Variants in SATL1 observed in about 807,000 individuals in gnomAD.
The protein encoded by SATL1 is spermidine/spermine N1-acetyl transferase like 1.
A neutral mutation model predicts 51.8 loss-of-function variants in SATL1; 47 were observed. That is an observed-to-expected ratio of 0.91 (90% confidence interval 0.72 to 1.16). SATL1 has a LOEUF of 1.16. Ranked by LOEUF, SATL1 falls within the 50% of genes most tolerant of loss-of-function variation. The pLI is 0.00. For synonymous variants in SATL1, 176 were observed against 182.4 expected (o/e 0.97, Z 0.28); for missense variants, 520 against 526.4 (o/e 0.99, Z 0.12).
At chrX:85,156,035 A>G (rs1926578032) in intron 2 of SATL1, among the ~76,000 whole-genome samples, 1 of 111,618 alleles carries the variant, frequency 9.0e-6, no homozygotes, top group South Asian at 3.7e-4. Context: ...GGTATAATTA[A>G]GTTGGTAGAT....
intron 2 of SATL1, chrX:85,209,567 A>G (rs1927865137): frequency 9.0e-6 from 1 of 111,313 alleles, no homozygotes; most frequent in Non-Finnish European, 1.9e-5. Context: ...AGTGGTTTGT[A>G]GTTCTCCTTG....
rs773017446 is a variant in SATL1 at position 85,150,475 on chromosome X, A to G, written c.-312-41195T>C. ...CCCTAACTCATTTTATGAGGCCAGC[A>G]TCATCCTGATACCAAAGCCGGGCAG... On this transcript the variant is annotated intron_variant, in intron 2 of 7. Transcript: ENST00000644105. 4.9e-3 allele frequency among the ~76,000 whole-genome samples: 526 copies of G among 107,130 alleles called. 4 individuals carry two copies. The highest frequency in any genetic ancestry group is 0.018 in the African/African-American group (493 of 28,166). 93.0% of individuals were successfully genotyped at this position (107,130 alleles called of 115,157 possible).
At position 85,173,162 on chromosome X, in the gene SATL1, G is replaced by A. The variant is rs990271695; in HGVS notation, c.-313+51043C>T. 2.7e-5 allele frequency among the ~76,000 whole-genome samples: 3 copies of A among 111,200 alleles called. No individual in the cohort carries two copies. The East Asian group carries it at 8.5e-4, about 31-fold the overall frequency. ...TTCATGTTTTGCAAGTCTTTGAGCA[G>A]GAGCCTCTTCTGTGAAAACTCAAAA... On this transcript the variant is annotated intron_variant, in intron 2 of 7. Coordinates refer to ENST00000644105, the MANE Select transcript of SATL1 (RefSeq NM_001367857.2).
Position 85,107,518 on chromosome X carries a change from G to C in SATL1, c.1451C>G (p.Pro484Arg), listed in dbSNP as rs146269642. Residue 484 changes from proline (P) to arginine (R), a missense_variant, in exon 3 of 8, where the codon CCG (proline) becomes CGG (arginine). Pro to Arg is a moderately radical substitution (Grantham distance 103). Coordinates refer to ENST00000644105, the MANE Select transcript of SATL1 (RefSeq NM_001367857.2). Reference sequence around the variant, plus strand: ...GCTCAGGCCTGGCTGACTCGGCCCCGGTTCCCATATGCCTGGTTGGCCCCT... The same window carrying C: ...GCTCAGGCCTGGCTGACTCGGCCCCCGTTCCCATATGCCTGGTTGGCCCCT... Reference protein sequence around the residue: ...PGRGQPGIWEPGPSQPGLSQQ... With the variant: ...PGRGQPGIWERGPSQPGLSQQ... 1 of 1,212,138 alleles carries C rather than the reference G, an allele frequency of 8.2e-7. No homozygotes were observed. Among genetic ancestry groups the C allele is most frequent in the Non-Finnish European group, 1.1e-6 (1 of 895,591 alleles).
rs1925166056 is a variant in SATL1 at position 85,108,583 on chromosome X, G to GT, written c.385dup (p.Thr129AsnfsTer106). On this transcript the variant is annotated frameshift_variant, in exon 3 of 8. Transcript: ENST00000644105. LOFTEE classifies it high-confidence loss of function. ...TGGTTGGCTCATACCTGATTGGTTC[G>GT]TGCCTATTTGCCTCATGCGTGATTG... The GT allele has an allele frequency of 2.5e-6, 3 of 1,203,470 alleles. No homozygotes were observed. Among genetic ancestry groups the GT allele is most frequent in the Non-Finnish European group, 3.4e-6 (3 of 891,633 alleles).
intron 3 of SATL1, among the ~76,000 whole-genome samples, chrX:85,104,858 C>T (rs73627322): frequency 0.017 from 1,893 of 111,235 alleles, 34 homozygotes; most frequent in African/African-American, 0.058. Context: ...TGTACATGTT[C>T]AGTACGGTTG....
chrX:85,104,185 A>G (rs1025646335), intron 3 of SATL1, among the ~76,000 whole-genome samples: 1 of 111,694 alleles, frequency 9.0e-6, no homozygotes, highest in African/African-American at 3.2e-5. Context: ...CCTTGAATGC[A>G]GCCAGAAACT....
intron 1 of SATL1, among the ~76,000 whole-genome samples, chrX:85,237,868 A>T (rs1421418903): frequency 9.0e-6 from 1 of 111,503 alleles, no homozygotes; most frequent in African/African-American, 3.3e-5. Flanking sequence ...ATAGGAAAAA[A>T]TCTAGTAATT....
At chrX:85,135,657 G>A (rs1925934235) in intron 2 of SATL1, among the ~76,000 whole-genome samples, 1 of 105,573 alleles carries the variant, frequency 9.5e-6, no homozygotes, top group African/African-American at 3.5e-5. Context: ...CTACTGCCTC[G>A]ACCTCCCAGA....
chrX:85,146,211 T>A, intron 2 of SATL1, among the ~76,000 whole-genome samples: 1 of 112,125 alleles, frequency 8.9e-6, no homozygotes, highest in Middle Eastern at 4.6e-3. Flanking sequence ...AGTATATTCT[T>A]ATAATTACTC....
chrX:85,226,365 ATTT>A (rs1928276866), intron 1 of SATL1, among the ~76,000 whole-genome samples: 2 of 110,978 alleles, frequency 1.8e-5, no homozygotes, highest in Non-Finnish European at 3.8e-5. Flanking sequence ...TAGATGTCCT[ATTT>A]GCACCTCATT....
Position 85,093,685 on chromosome X carries a change from A to G in SATL1, c.1876+443T>C, listed in dbSNP as rs193110274. 7.2e-5 allele frequency among the ~76,000 whole-genome samples: 8 copies of G among 111,740 alleles called. No individual in the cohort carries two copies. In the East Asian group the frequency reaches 1.4e-3, roughly 20 times the overall value. On this transcript the variant is annotated intron_variant, in intron 6 of 7. Transcript: ENST00000644105. ...GGAGTTTGAGACCAGCCTGGGCAAC[A>G]CAGACCCTGTTTCTCCAAAAAATAA...
chrX:85,189,538 G>A (rs1927390118), intron 2 of SATL1, among the ~76,000 whole-genome samples: 1 of 111,877 alleles, frequency 8.9e-6, no homozygotes. Flanking sequence ...CAGCTACGTG[G>A]CATCCCAAAA....
chrX:85,215,300 C>T (rs1928018756), intron 2 of SATL1, among the ~76,000 whole-genome samples: 1 of 111,290 alleles, frequency 9.0e-6, no homozygotes, highest in South Asian at 3.8e-4. Context: ...GGTCTCTGGG[C>T]CTGTGATTGG....
rs1405050450 is a variant in SATL1 at position 85,108,540 on chromosome X, G to A, written c.429C>T (p.Asp143=). Residue 143 remains aspartate (D), a synonymous_variant, in exon 3 of 8, where the codon GAC becomes GAT. Transcript: ENST00000644105. The part of the protein sequence containing the change: ...GMSQPVMQQL[D]SQSGGSQPSM... The stretch of plus-strand genomic sequence containing the variant: ...TTGGTTGGCTCCCACCTGACTGGCT[G>A]TCTAGTTGCTGCATCACTGGTTGGC... 5.8e-6 allele frequency: 7 copies of A among 1,208,691 alleles called. No homozygotes were observed. The highest frequency in any genetic ancestry group is 5.6e-6 in the Non-Finnish European group (5 of 894,519).
intron 4 of SATL1, among the ~76,000 whole-genome samples, chrX:85,102,866 G>A (rs924146881): frequency 9.1e-6 from 1 of 110,430 alleles, no homozygotes; most frequent in Non-Finnish European, 1.9e-5. Context: ...AATCTGAAAT[G>A]TTCCAATGAA....
chrX:85,134,106 G>A (rs898869576), intron 2 of SATL1, among the ~76,000 whole-genome samples: 1 of 111,162 alleles, frequency 9.0e-6, no homozygotes, highest in Non-Finnish European at 1.9e-5. Context: ...CCTAATTAAT[G>A]AGTGTTTCAA....
chrX:85,189,102 G>A (rs1031559994), intron 2 of SATL1, among the ~76,000 whole-genome samples: 2 of 112,369 alleles, frequency 1.8e-5, no homozygotes, highest in African/African-American at 3.2e-5. Flanking sequence ...AGTTATATAT[G>A]CCAAACACAG....
intron 2 of SATL1, among the ~76,000 whole-genome samples, chrX:85,176,147 A>T (rs1171350721): frequency 8.9e-6 from 1 of 112,027 alleles, no homozygotes; most frequent in Non-Finnish European, 1.9e-5. Context: ...ACTCAAATGG[A>T]TCTTATACAT....
Sources: allele counts gnomAD v4.1 joint callset (sites outside exome capture counted in the v4.1 genomes callset), GRCh38; gene constraint gnomAD v4.1.1; transcripts MANE v1.5; gene names NCBI Gene and HGNC (gene_info 2026-07-23, HGNC 2026-07-21).